The following ACBD5 variants were observed in gnomAD, a reference collection of about 807,000 sequenced individuals.
ACBD5 encodes acyl-CoA binding domain containing 5, also known as acyl-CoA-binding domain-containing protein 5.
ACBD5 carries 40 observed loss-of-function variants against 71.8 expected under a neutral mutation model. The ratio of observed to expected loss-of-function variants is 0.56; its 90% CI spans 0.43 to 0.72. The LOEUF is 0.72. Ranked by LOEUF, ACBD5 falls within the 30% of genes least tolerant of loss-of-function variation. ACBD5 has a pLI of 0.00. For missense variants in ACBD5, 559 were observed against 644.5 expected, an observed-to-expected ratio of 0.87 and a Z score of 1.44; for synonymous variants, 229 against 218.6, an observed-to-expected ratio of 1.05 and a Z score of -0.42.
At position 27,215,515 on chromosome 10, in the gene ACBD5, T is replaced by G. The variant is rs936987362; in HGVS notation, c.936+20A>C. ...ATACACCACTTTGAAAATACACCAA[T>G]CAGAAAATGTCATTTTTACCTCTTC... On this transcript the variant is annotated intron_variant, in intron 8 of 12. Transcript: ENST00000396271. The G allele has an allele frequency of 6.5e-7, 1 of 1,541,342 alleles. No homozygotes were observed. The highest frequency in any genetic ancestry group is 9.0e-7 in the Non-Finnish European group (1 of 1,116,468).
Position 27,211,011 on chromosome 10 carries a change from A to T in ACBD5, c.1007T>A (p.Met336Lys). Residue 336 changes from methionine (M) to lysine (K), a missense_variant, in exon 9 of 13, where the codon ATG becomes AAG. Coordinates refer to ENST00000396271, the MANE Select transcript of ACBD5 (RefSeq NM_145698.5). ...ATCTTCACGAAATCCAGAATTTTCC[A>T]TGGGTTGACTGGAATGACCACCCAA... Reference protein sequence around the residue: ...YYLGGHSSQPMENSGFREDIQ... With the variant: ...YYLGGHSSQPKENSGFREDIQ... 6.2e-7 allele frequency: 1 copy of T among 1,614,128 alleles called. No homozygotes were observed. Among genetic ancestry groups the T allele is most frequent in the South Asian group, 1.1e-5 (1 of 91,082 alleles).
intron 4 of ACBD5, among the ~76,000 whole-genome samples, chr10:27,223,721 C>T (rs1374426923): frequency 2.0e-5 from 3 of 151,952 alleles, no homozygotes; most frequent in East Asian, 1.9e-4. Flanking sequence ...GCCTTGGCAA[C>T]ACAGTGAGAC....
chr10:27,234,447 T>A (rs1274497120), intron 3 of ACBD5, among the ~76,000 whole-genome samples: 1 of 140,176 alleles, frequency 7.1e-6, no homozygotes, highest in African/African-American at 2.5e-5. Context: ...AAGAGGCAGT[T>A]AAAAGTTTGT....
upstream of ACBD5, chr10:27,240,929 C>A (rs928394254): frequency 1.6e-6 from 1 of 616,376 alleles, no homozygotes; most frequent in Non-Finnish European, 2.8e-6. The surrounding 1 kb of genome is among the most constrained non-coding windows in gnomAD (Gnocchi z 4.1). Context: ...GCGCGCGGTC[C>A]GTCTGTCCCC....
upstream of ACBD5, among the ~76,000 whole-genome samples, chr10:27,241,428 G>A (rs1363553062): frequency 6.6e-6 from 1 of 152,162 alleles, no homozygotes; most frequent in Non-Finnish European, 1.5e-5. Context: ...GCTGCCCTGA[G>A]CCAAGAACGT....
chr10:27,211,845 G>A (rs569326104), intron 8 of ACBD5, among the ~76,000 whole-genome samples: 1 of 152,244 alleles, frequency 6.6e-6, no homozygotes, highest in South Asian at 2.1e-4. Flanking sequence ...ACTTGATGAA[G>A]GTGGTGATGA....
At chr10:27,200,408 A>G (rs2059798027) in intron 12 of ACBD5, among the ~76,000 whole-genome samples, 1 of 152,248 alleles carries the variant, frequency 6.6e-6, no homozygotes, top group Non-Finnish European at 1.5e-5. Flanking sequence ...AAAAATGGGC[A>G]ATGAGCAGCC....
intron 4 of ACBD5, among the ~76,000 whole-genome samples, chr10:27,225,711 G>T (rs771257407): frequency 2.6e-5 from 4 of 152,062 alleles, no homozygotes; most frequent in Non-Finnish European, 5.9e-5. Context: ...TTCAAACCAA[G>T]AGAAATGTTT....
chr10:27,219,056 C>T (rs2062001809), intron 6 of ACBD5, among the ~76,000 whole-genome samples: 1 of 152,106 alleles, frequency 6.6e-6, no homozygotes, highest in Non-Finnish European at 1.5e-5. Flanking sequence ...AAGCCCAGAA[C>T]TTTGGGAGGC....
chr10:27,240,982 G>A, upstream of ACBD5: 1 of 583,086 alleles, frequency 1.7e-6, no homozygotes, highest in Non-Finnish European at 3.1e-6. This position sits in a 1 kb window ranked among gnomAD's most constrained non-coding sequence, Gnocchi z 4.1. Flanking sequence ...CACAGTCCCG[G>A]CTTGGTGCGG....
At chr10:27,229,041 C>T (rs1292831501) in intron 4 of ACBD5, among the ~76,000 whole-genome samples, 1 of 149,062 alleles carries the variant, frequency 6.7e-6, no homozygotes, top group African/African-American at 2.4e-5. Flanking sequence ...AGGCTGGTCT[C>T]AAACTCCTGA....
intron 3 of ACBD5, among the ~76,000 whole-genome samples, chr10:27,233,654 G>A (rs2064212934): frequency 6.6e-6 from 1 of 152,168 alleles, no homozygotes. Flanking sequence ...GGAGGCAGAG[G>A]TTGCAGTGAG....
chr10:27,231,644 A>T (rs2063877817), intron 4 of ACBD5, 104 bp downstream of exon 4: 1 of 939,382 alleles, frequency 1.1e-6, no homozygotes, highest in East Asian at 2.5e-5. Flanking sequence ...CTATTGTATA[A>T]CATACTACAA....
At chr10:27,240,832 A>C, upstream of ACBD5, 2 of 1,286,524 alleles carry the variant, frequency 1.6e-6, no homozygotes, top group Non-Finnish European at 2.2e-6. This position sits in a 1 kb window ranked among gnomAD's most constrained non-coding sequence, Gnocchi z 4.1. Context: ...CCCGCCCCAG[A>C]GTCACCGGAG....
intron 4 of ACBD5, among the ~76,000 whole-genome samples, chr10:27,225,655 G>A (rs910426110): frequency 6.6e-6 from 1 of 152,150 alleles, no homozygotes; most frequent in Admixed American, 6.6e-5. Context: ...AAATATCTGA[G>A]TTGTAATATA....
intron 7 of ACBD5, among the ~76,000 whole-genome samples, chr10:27,217,023 G>C (rs1045933967): frequency 6.6e-6 from 1 of 151,472 alleles, no homozygotes; most frequent in Non-Finnish European, 1.5e-5. Flanking sequence ...GCGGGCACCT[G>C]TAGTCCCAGC....
chr10:27,184,991 T>G (rs547492201), intron 13 of ACBD5, among the ~76,000 whole-genome samples: 1 of 152,312 alleles, frequency 6.6e-6, no homozygotes, highest in South Asian at 2.1e-4. Context: ...GAGCTTCCAA[T>G]GTAGCCATAA....
chr10:27,227,893 A>G (rs2063293184), intron 4 of ACBD5, among the ~76,000 whole-genome samples: 1 of 151,916 alleles, frequency 6.6e-6, no homozygotes. Context: ...TTTGTATTTT[A>G]GTAGAGATGG....
At chr10:27,222,655 TTGCCTCCTGGGTTCAAGTGATTCTTG>T (rs2062505323) in intron 5 of ACBD5, among the ~76,000 whole-genome samples, 1 of 150,268 alleles carries the variant, frequency 6.7e-6, no homozygotes, top group South Asian at 2.1e-4. Context: ...ACTGCAAACT[TTGCCTCCTGGGTTCAAGTGATTCTTG>T]TGCCTCAGCC....
Sources: gnomAD v4.1 joint callset for allele counts (sites outside exome capture counted in the v4.1 genomes callset) on GRCh38, gnomAD v4.1.1 for gene constraint, Gnocchi (gnomAD v3.1) non-coding constraint, MANE v1.5 for transcripts, NCBI Gene and HGNC (gene_info 2026-07-23, HGNC 2026-07-21) for gene names.